B3GLCT: variants seen among roughly 807,000 people sequenced by gnomAD.
B3GLCT encodes beta 3-glucosyltransferase.
Under a neutral mutation model 63.4 loss-of-function variants are expected in B3GLCT, and 65 were observed. The ratio of observed to expected loss-of-function variants is 1.03; its 90% confidence interval spans 0.84 to 1.26. The LOEUF (loss-of-function observed/expected upper bound fraction) is 1.26. B3GLCT is among the 50% of genes most tolerant of loss of function. The probability of loss-of-function intolerance (pLI) is 0.00; values close to 1 mark genes in which losing one functional copy is unlikely to be tolerated. For synonymous variants in B3GLCT, 233 were observed against 219.2 expected (o/e 1.06, Z -0.55); for missense variants, 577 against 604.8 (o/e 0.95, Z 0.48).
At chr13:31,290,476 A>G (rs1316579838) in intron 12 of B3GLCT, among the ~76,000 whole-genome samples, 1 of 152,174 alleles carries the variant, frequency 6.6e-6, no homozygotes, top group Non-Finnish European at 1.5e-5. Flanking sequence ...TTACACTCCC[A>G]CCAGCAGTGT....
At chr13:31,208,991 C>T (rs1392535323) in intron 1 of B3GLCT, among the ~76,000 whole-genome samples, 1 of 152,160 alleles carries the variant, frequency 6.6e-6, no homozygotes, top group Non-Finnish European at 1.5e-5. Context: ...AGGGACCCTG[C>T]CTGGGTCACT....
At position 31,229,222 on chromosome 13, in the gene B3GLCT, T is replaced by A; in HGVS notation, c.198T>A (p.Ser66Arg). Reference sequence around the variant, plus strand: ...TTGTATTCGTCATCCAGAGTCAAAGTAATTCTTTTCATGCAAAGAGAGCAG... The same window carrying A: ...TTGTATTCGTCATCCAGAGTCAAAGAAATTCTTTTCATGCAAAGAGAGCAG... Reference protein sequence around the residue: ...KGIVFVIQSQSNSFHAKRAEQ... With the variant: ...KGIVFVIQSQRNSFHAKRAEQ... Residue 66 changes from serine to arginine, a missense_variant, in exon 4 of 15, where the codon AGT (serine) becomes AGA (arginine). Transcript: ENST00000343307. 1 of 1,613,074 alleles carries A rather than the reference T, an allele frequency of 6.2e-7. No homozygotes were observed. The highest frequency in any genetic ancestry group is 8.5e-7 in the Non-Finnish European group (1 of 1,179,014).
chr13:31,211,508 A>G lies in B3GLCT; in HGVS notation c.71-3543A>G, dbSNP rs1164569882. Among the ~76,000 whole-genome samples, 3 of 152,010 alleles carry G rather than the reference A, an allele frequency of 2.0e-5. No individual in the cohort carries two copies. The East Asian group carries it at 5.8e-4, about 29-fold the overall frequency. ...TTTTTATGTCATTGTTTTAAATATT[A>G]TAATTTGTATCTATCATGGGAAAAA... On this transcript the variant is annotated intron_variant, in intron 1 of 14. Transcript: ENST00000343307.
intron 8 of B3GLCT, among the ~76,000 whole-genome samples, chr13:31,270,706 A>T (rs1416093594): frequency 6.6e-6 from 1 of 152,066 alleles, no homozygotes; most frequent in Non-Finnish European, 1.5e-5. Flanking sequence ...CCTCTCCCTT[A>T]CTTTTCTTCA....
At position 31,329,580 on chromosome 13, in the gene B3GLCT, C is replaced by G; in HGVS notation, c.1409C>G (p.Pro470Arg). The G allele has an allele frequency of 6.2e-7, 1 of 1,614,202 alleles. No homozygotes were observed. Among genetic ancestry groups the G allele is most frequent in the Non-Finnish European group, 8.5e-7 (1 of 1,180,022 alleles). Residue 470 changes from proline (P) to arginine (R), a missense_variant, in exon 15 of 15, where the codon CCA becomes CGA. Pro to Arg is a moderately radical substitution (Grantham distance 103). Coordinates refer to ENST00000343307, the MANE Select transcript of B3GLCT (RefSeq NM_194318.4). ...ISFHKHWNID[P>R]VKVYFTWLAP... ...TTCCACAAACACTGGAACATCGATC[C>G]AGTGAAGGTGTATTTCACATGGTTG... is the stretch of plus-strand genomic sequence containing the variant.
intron 4 of B3GLCT, among the ~76,000 whole-genome samples, chr13:31,237,644 C>T (rs1870724493): frequency 6.6e-6 from 1 of 152,240 alleles, no homozygotes; most frequent in Non-Finnish European, 1.5e-5. Context: ...TGTGAGCCAC[C>T]ATGCCCCGTC....
chr13:31,246,950 TCTTTTTTTTTTTTTTTA>T (rs1871216816), intron 4 of B3GLCT, 56 bp from the exon 5 acceptor site: 4 of 986,978 alleles, frequency 4.1e-6, no homozygotes, highest in Non-Finnish European at 4.4e-6. Context: ...TCTTTTCTTT[TCTTTTTTTTTTTTTTTA>T]CTTTTTTTCG....
At chr13:31,241,763 C>T (rs560349457) in intron 4 of B3GLCT, among the ~76,000 whole-genome samples, 1 of 152,274 alleles carries the variant, frequency 6.6e-6, no homozygotes, top group African/African-American at 2.4e-5. Flanking sequence ...AGGACTGTCA[C>T]TGAAGGCGGC....
chr13:31,315,468 G>T (rs535128617), intron 12 of B3GLCT, among the ~76,000 whole-genome samples: 1 of 152,156 alleles, frequency 6.6e-6, no homozygotes, highest in South Asian at 2.1e-4. Flanking sequence ...GTGATTTAGG[G>T]TATCTGGTGG....
intron 7 of B3GLCT, among the ~76,000 whole-genome samples, chr13:31,266,631 G>A (rs1029913534): frequency 1.3e-4 from 20 of 152,168 alleles, no homozygotes; most frequent in South Asian, 4.1e-4. Context: ...GAGATGGCAC[G>A]TGAGGCTAAC....
At chr13:31,323,665 A>C in intron 13 of B3GLCT, 86 bp from the exon 14 acceptor site, 1 of 1,489,380 alleles carries the variant, frequency 6.7e-7, no homozygotes, top group Non-Finnish European at 9.3e-7. Context: ...CTGCAGGAGT[A>C]AAGTCCTGTT....
intron 13 of B3GLCT, among the ~76,000 whole-genome samples, chr13:31,318,579 G>C (rs1668789903): frequency 6.6e-6 from 1 of 152,318 alleles, no homozygotes; most frequent in Middle Eastern, 3.4e-3. Context: ...ATCTTTGTTA[G>C]ACGATGGCTT....
intron 1 of B3GLCT, among the ~76,000 whole-genome samples, chr13:31,208,758 C>G (rs1209005538): frequency 6.6e-6 from 1 of 152,012 alleles, no homozygotes; most frequent in Non-Finnish European, 1.5e-5. Flanking sequence ...AGAAAGCTGT[C>G]TTGGGCACAC....
intron 6 of B3GLCT, among the ~76,000 whole-genome samples, chr13:31,251,324 A>G (rs945767733): frequency 2.6e-5 from 4 of 152,198 alleles, no homozygotes; most frequent in African/African-American, 9.7e-5. Flanking sequence ...AAAGGATCAC[A>G]ACTCCTCACC....
At chr13:31,232,704 C>T (rs905137268) in intron 4 of B3GLCT, among the ~76,000 whole-genome samples, 21 of 152,196 alleles carry the variant, frequency 1.4e-4, no homozygotes, top group African/African-American at 3.9e-4. Context: ...AAAGGTTTTC[C>T]GTGCACCATC....
At chr13:31,300,183 G>A (rs1188658974) in intron 12 of B3GLCT, among the ~76,000 whole-genome samples, 1 of 151,962 alleles carries the variant, frequency 6.6e-6, no homozygotes, top group African/African-American at 2.4e-5. Flanking sequence ...TCCTCACATA[G>A]TTCCAGAGTC....
rs1875673243 is a variant in B3GLCT at position 31,327,231 on chromosome 13, A to G, written c.1330-2270A>G. On this transcript the variant is annotated intron_variant, in intron 14 of 14. Coordinates refer to ENST00000343307, the MANE Select transcript of B3GLCT (RefSeq NM_194318.4). ...CTAATAATAAAATAGAGCAATTATA[A>G]CCATATGCCAGCATCACTACTCTTG... Among the ~76,000 whole-genome samples, 4 of 152,360 alleles carry G rather than the reference A, an allele frequency of 2.6e-5. No homozygotes were observed. The South Asian group carries it at 8.3e-4, about 32-fold the overall frequency.
intron 13 of B3GLCT, among the ~76,000 whole-genome samples, chr13:31,318,264 G>T (rs115024990): frequency 1.3e-5 from 2 of 152,128 alleles, no homozygotes; most frequent in East Asian, 1.9e-4. Context: ...CTATTGGTGC[G>T]TGTAGGCAAA....
intron 1 of B3GLCT, among the ~76,000 whole-genome samples, chr13:31,208,829 C>T (rs924381055): frequency 1.1e-4 from 17 of 152,096 alleles, no homozygotes; most frequent in African/African-American, 4.1e-4. Context: ...CAGGAAAAAC[C>T]TGACTCCCCA....
Sources: gnomAD v4.1 joint callset for allele counts (sites outside exome capture counted in the v4.1 genomes callset) on GRCh38, gnomAD v4.1.1 for gene constraint, MANE v1.5 for transcripts, NCBI Gene and HGNC (gene_info 2026-07-23, HGNC 2026-07-21) for gene names.